Variants in MNAT1 observed in about 807,000 individuals in gnomAD.
The protein encoded by MNAT1 is CDK-activating kinase assembly factor MAT1.
MNAT1 carries 43 observed loss-of-function variants against 42.0 expected under a neutral mutation model. The ratio of observed to expected loss-of-function variants is 1.02; its 90% CI spans 0.80 to 1.32. The LOEUF (loss-of-function observed/expected upper bound fraction) is 1.32. Among genes scored for constraint, MNAT1 ranks in the 40% most tolerant of loss-of-function variants. MNAT1 has a pLI of 0.00. For synonymous variants in MNAT1, 118 were observed against 120.0 expected, an observed-to-expected ratio of 0.98 and a Z score of 0.11; for missense variants, 306 against 350.4, an observed-to-expected ratio of 0.87 and a Z score of 1.01.
intron 7 of MNAT1, among the ~76,000 whole-genome samples, chr14:60,928,563 C>T (rs148140400): frequency 1.3e-5 from 2 of 152,012 alleles, no homozygotes; most frequent in African/African-American, 2.4e-5. Flanking sequence ...AAATTGGTAT[C>T]TCATTAATTT....
intron 7 of MNAT1, among the ~76,000 whole-genome samples, chr14:60,954,740 C>A (rs1198348663): frequency 6.6e-6 from 1 of 152,090 alleles, no homozygotes; most frequent in Non-Finnish European, 1.5e-5. Flanking sequence ...CTGGCTATAA[C>A]TTCCAGTATT....
At chr14:60,879,631 A>T in intron 6 of MNAT1, 83 bp from the exon 7 acceptor site, 1 of 1,355,266 alleles carries the variant, frequency 7.4e-7, no homozygotes, top group Non-Finnish European at 1.0e-6. Context: ...TGAGGAATTT[A>T]ATTCATCTTT....
At chr14:60,949,503 T>A (rs1194914141) in intron 7 of MNAT1, among the ~76,000 whole-genome samples, 1 of 152,192 alleles carries the variant, frequency 6.6e-6, no homozygotes, top group Non-Finnish European at 1.5e-5. Flanking sequence ...AAAAGTCATA[T>A]GTAACTCATT....
At chr14:60,920,587 C>T (rs1170957878) in intron 7 of MNAT1, among the ~76,000 whole-genome samples, 1 of 151,884 alleles carries the variant, frequency 6.6e-6, no homozygotes, top group East Asian at 1.9e-4. Flanking sequence ...TCATTACAGG[C>T]CCACCACTGT....
At chr14:60,937,446 G>T (rs1221799475) in intron 7 of MNAT1, among the ~76,000 whole-genome samples, 1 of 152,182 alleles carries the variant, frequency 6.6e-6, no homozygotes, top group Non-Finnish European at 1.5e-5. Context: ...TCTACATATG[G>T]CCAGCCAGTT....
chr14:60,885,686 A>G (rs879740344), intron 7 of MNAT1, among the ~76,000 whole-genome samples: 1 of 152,024 alleles, frequency 6.6e-6, no homozygotes, highest in Non-Finnish European at 1.5e-5. Context: ...TAGTTTGTAT[A>G]GTTTGCAAAT....
At chr14:60,960,879 A>G (rs2036575188) in intron 7 of MNAT1, among the ~76,000 whole-genome samples, 1 of 152,234 alleles carries the variant, frequency 6.6e-6, no homozygotes, top group Non-Finnish European at 1.5e-5. Flanking sequence ...ATCTCTCTGT[A>G]TCTACTCTTG....
At chr14:60,919,640 G>A (rs774821767) in intron 7 of MNAT1, 1 of 153,544 alleles carries the variant, frequency 6.5e-6, no homozygotes, top group Non-Finnish European at 1.5e-5. Flanking sequence ...GGGGTCTGAG[G>A]AGTCATTGAT....
intron 3 of MNAT1, among the ~76,000 whole-genome samples, chr14:60,806,141 T>C (rs1299242027): frequency 6.6e-6 from 1 of 152,134 alleles, no homozygotes; most frequent in Non-Finnish European, 1.5e-5. Context: ...TCAAGGAACA[T>C]TCTAATAGGT....
intron 6 of MNAT1, among the ~76,000 whole-genome samples, chr14:60,865,773 A>G (rs530873375): frequency 1.3e-5 from 2 of 152,152 alleles, no homozygotes; most frequent in Non-Finnish European, 2.9e-5. Flanking sequence ...AGCTACTGGC[A>G]TATTTCCCTA....
chr14:60,806,509 A>G (rs2032373068), intron 3 of MNAT1, among the ~76,000 whole-genome samples: 1 of 152,200 alleles, frequency 6.6e-6, no homozygotes, highest in Non-Finnish European at 1.5e-5. Context: ...GGCATTGTAG[A>G]TAAAAGTTCA....
At chr14:60,945,905 A>G (rs1566573690) in intron 7 of MNAT1, among the ~76,000 whole-genome samples, 1 of 152,176 alleles carries the variant, frequency 6.6e-6, no homozygotes, top group Non-Finnish European at 1.5e-5. Context: ...CTCAGCAACT[A>G]ACTTTTCAAC....
chr14:60,941,990 T>C (rs972758), intron 7 of MNAT1, among the ~76,000 whole-genome samples: 114,314 of 123,712 alleles, frequency 0.92, 53,068 homozygotes, highest in Non-Finnish European at 0.99. Flanking sequence ...GGCGACAGAA[T>C]GAGGCTCCAT....
intron 7 of MNAT1, among the ~76,000 whole-genome samples, chr14:60,966,959 T>C (rs548952601): frequency 1.3e-5 from 2 of 152,248 alleles, no homozygotes; most frequent in South Asian, 4.1e-4. Context: ...TGAGATATGT[T>C]TTATGGCTAT....
At chr14:60,896,048 T>C (rs2034950811) in intron 7 of MNAT1, among the ~76,000 whole-genome samples, 1 of 152,162 alleles carries the variant, frequency 6.6e-6, no homozygotes, top group African/African-American at 2.4e-5. Context: ...GAATACTGCG[T>C]TGAGATTTTT....
chr14:60,852,961 GT>G (rs2033862482), intron 6 of MNAT1, among the ~76,000 whole-genome samples: 5 of 152,162 alleles, frequency 3.3e-5, no homozygotes, highest in African/African-American at 4.8e-5. Flanking sequence ...TTGTAGTATA[GT>G]TTGAAGTCAG....
intron 7 of MNAT1, 58 bp downstream of exon 7, chr14:60,879,893 C>G: frequency 6.4e-7 from 1 of 1,553,806 alleles, no homozygotes; most frequent in Non-Finnish European, 8.7e-7. Context: ...TATTGCTGTT[C>G]TTAACTGACA....
At chr14:60,857,719 C>T (rs1007433388) in intron 6 of MNAT1, among the ~76,000 whole-genome samples, 1 of 151,806 alleles carries the variant, frequency 6.6e-6, no homozygotes, top group Non-Finnish European at 1.5e-5. Context: ...TGCTATCCCT[C>T]CCCCAGCCCC....
chr14:60,817,115 T>C (rs1406969263), intron 5 of MNAT1, among the ~76,000 whole-genome samples: 2 of 151,952 alleles, frequency 1.3e-5, no homozygotes, highest in Non-Finnish European at 2.9e-5. Context: ...ACTTTTAACT[T>C]TTTAGCTAAG....
Sources: gnomAD v4.1 joint callset for allele counts (sites outside exome capture counted in the v4.1 genomes callset) on GRCh38, gnomAD v4.1.1 for gene constraint, MANE v1.5 for transcripts, NCBI Gene and HGNC (gene_info 2026-07-23, HGNC 2026-07-21) for gene names.